MTMR2: variants seen among roughly 807,000 people sequenced by gnomAD.
MTMR2 encodes phosphatidylinositol-3,5-bisphosphate 3-phosphatase MTMR2.
MTMR2 carries 55 observed loss-of-function variants against 86.9 expected under a neutral mutation model. The observed-to-expected ratio is 0.63, with a 90% CI of 0.51 to 0.79. The LOEUF (loss-of-function observed/expected upper bound fraction) is 0.79. Ranked by LOEUF, MTMR2 falls within the 30% of genes least tolerant of loss-of-function variation. The pLI, the probability that MTMR2 is intolerant of heterozygous loss-of-function variation, is 0.00. For synonymous variants in MTMR2, 241 were observed against 266.8 expected, an observed-to-expected ratio of 0.90 and a Z score of 0.94; for missense variants, 659 against 772.3, an observed-to-expected ratio of 0.85 and a Z score of 1.74.
At chr11:95,840,761 A>G (rs1281860062) in intron 12 of MTMR2, among the ~76,000 whole-genome samples, 1 of 152,172 alleles carries the variant, frequency 6.6e-6, no homozygotes, top group Non-Finnish European at 1.5e-5. Context: ...TATTTTATTG[A>G]AGCTAAAAAT....
chr11:95,897,415 C>A (rs1160809527), intron 1 of MTMR2, among the ~76,000 whole-genome samples: 3 of 151,970 alleles, frequency 2.0e-5, no homozygotes, highest in Non-Finnish European at 4.4e-5. Context: ...TATAAAGACA[C>A]AAAGACTAAA....
chr11:95,900,546 A>G (rs1050675105), intron 1 of MTMR2, among the ~76,000 whole-genome samples: 1 of 152,218 alleles, frequency 6.6e-6, no homozygotes, highest in East Asian at 1.9e-4. Flanking sequence ...GTATGGAGGC[A>G]CGGACTGCCT....
chr11:95,879,225 G>C (rs1865234300), intron 2 of MTMR2, among the ~76,000 whole-genome samples: 1 of 152,152 alleles, frequency 6.6e-6, no homozygotes, highest in South Asian at 2.1e-4. Context: ...AGAAGAAAGA[G>C]AATGTGGAAG....
At chr11:95,909,226 G>A (rs765618945) in intron 1 of MTMR2, among the ~76,000 whole-genome samples, 7 of 151,938 alleles carry the variant, frequency 4.6e-5, no homozygotes, top group Non-Finnish European at 8.8e-5. Flanking sequence ...TTGGTGGGGG[G>A]GGAAAATTAC....
intron 5 of MTMR2, among the ~76,000 whole-genome samples, chr11:95,861,037 G>A (rs946845852): frequency 4.0e-5 from 6 of 151,712 alleles, no homozygotes; most frequent in African/African-American, 1.5e-4. Flanking sequence ...GTGGGCGCCT[G>A]TAGTCCCAGC....
chr11:95,873,759 G>C (rs546752900), intron 2 of MTMR2, among the ~76,000 whole-genome samples: 19 of 152,172 alleles, frequency 1.2e-4, no homozygotes, highest in Non-Finnish European at 2.6e-4. Flanking sequence ...TCTACACACT[G>C]CTTTGAATGT....
chr11:95,918,603 T>C (rs1489844647), intron 1 of MTMR2, among the ~76,000 whole-genome samples: 1 of 152,174 alleles, frequency 6.6e-6, no homozygotes. Flanking sequence ...AAATAAGTAA[T>C]TTTTAGTCTA....
intron 3 of MTMR2, among the ~76,000 whole-genome samples, chr11:95,862,841 C>T (rs986461936): frequency 9.2e-5 from 14 of 152,256 alleles, no homozygotes; most frequent in Middle Eastern, 3.4e-3. Context: ...CCACAAACTC[C>T]TGATCTGATT....
intron 7 of MTMR2, among the ~76,000 whole-genome samples, chr11:95,856,611 G>A (rs1590991373): frequency 6.6e-6 from 1 of 150,682 alleles, no homozygotes; most frequent in Non-Finnish European, 1.5e-5. Context: ...ATTTTATGTA[G>A]AAGCTAATGC....
chr11:95,876,583 C>A (rs1385293720), intron 2 of MTMR2, among the ~76,000 whole-genome samples: 1 of 152,150 alleles, frequency 6.6e-6, no homozygotes, highest in Admixed American at 6.5e-5. Context: ...GCATTTAATA[C>A]AATATTTAAT....
chr11:95,861,700 A>G (rs933768997), intron 5 of MTMR2, among the ~76,000 whole-genome samples: 2 of 152,164 alleles, frequency 1.3e-5, no homozygotes, highest in Non-Finnish European at 2.9e-5. Context: ...TTGGGATTAT[A>G]GGCGTGAGCC....
chr11:95,917,308 C>G (rs757082794), intron 1 of MTMR2, among the ~76,000 whole-genome samples: 7 of 152,264 alleles, frequency 4.6e-5, no homozygotes, highest in Non-Finnish European at 8.8e-5. Flanking sequence ...CTGAATCGCA[C>G]GCAATCTTTG....
chr11:95,858,730 G>C (rs1407938557), intron 5 of MTMR2, 98 bp from the exon 6 acceptor site: 33 of 795,110 alleles, frequency 4.2e-5, no homozygotes, highest in Middle Eastern at 3.5e-4. Flanking sequence ...GTTAAGATCT[G>C]TGAATGTGGG....
intron 9 of MTMR2, among the ~76,000 whole-genome samples, chr11:95,848,201 G>A (rs1449190348): frequency 6.6e-6 from 1 of 152,114 alleles, no homozygotes; most frequent in Non-Finnish European, 1.5e-5. Context: ...CAGCCCATAC[G>A]CCAAGTCCTA....
At chr11:95,874,456 C>T (rs1384150374) in intron 2 of MTMR2, among the ~76,000 whole-genome samples, 1 of 152,062 alleles carries the variant, frequency 6.6e-6, no homozygotes, top group Non-Finnish European at 1.5e-5. Context: ...GGTAGATCTT[C>T]CTCCATCCCT....
intron 11 of MTMR2, among the ~76,000 whole-genome samples, chr11:95,844,573 T>C (rs1380747273): frequency 6.6e-6 from 1 of 152,162 alleles, no homozygotes; most frequent in Non-Finnish European, 1.5e-5. Flanking sequence ...GTATAAACAC[T>C]GCTAGTATAC....
chr11:95,902,914 C>G (rs915505531), intron 1 of MTMR2, among the ~76,000 whole-genome samples: 1 of 152,184 alleles, frequency 6.6e-6, no homozygotes, highest in Non-Finnish European at 1.5e-5. Context: ...GTACCACCCT[C>G]TTTGTTGACA....
intron 2 of MTMR2, among the ~76,000 whole-genome samples, chr11:95,882,124 T>C (rs919926368): frequency 6.6e-6 from 1 of 152,214 alleles, no homozygotes; most frequent in Non-Finnish European, 1.5e-5. Flanking sequence ...TAACATAAGC[T>C]CTATGAGACT....
chr11:95,905,215 C>T (rs1251363799), intron 1 of MTMR2, among the ~76,000 whole-genome samples: 1 of 152,010 alleles, frequency 6.6e-6, no homozygotes, highest in African/African-American at 2.4e-5. Flanking sequence ...TGCCCTTGAA[C>T]TTATCTTCTC....
Sources: allele counts gnomAD v4.1 joint callset (sites outside exome capture counted in the v4.1 genomes callset), GRCh38; gene constraint gnomAD v4.1.1; transcripts MANE v1.5; gene names NCBI Gene and HGNC (gene_info 2026-07-23, HGNC 2026-07-21).